MPPED2: variants seen among roughly 807,000 people sequenced by gnomAD.
MPPED2 encodes metallophosphoesterase domain containing 2.
A neutral mutation model predicts 33.0 loss-of-function variants in MPPED2; 5 were observed. That is an observed-to-expected ratio of 0.15 (90% CI 0.08 to 0.32). The LOEUF (loss-of-function observed/expected upper bound fraction) is 0.32, where lower values mean the gene tolerates loss of function less well. MPPED2 is among the 10% of genes least tolerant of loss of function. The pLI is 1.00. For missense variants in MPPED2, 275 were observed against 372.1 expected, an observed-to-expected ratio of 0.74 and a Z score of 2.15; for synonymous variants, 136 against 141.9, an observed-to-expected ratio of 0.96 and a Z score of 0.29.
At chr11:30,384,287 A>C (rs1008108782), downstream of MPPED2, among the ~76,000 whole-genome samples, 2 of 152,202 alleles carry the variant, frequency 1.3e-5, no homozygotes, top group African/African-American at 4.8e-5. Flanking sequence ...TCAATAACCA[A>C]GTTTGTTAGC....
intron 4 of MPPED2, among the ~76,000 whole-genome samples, chr11:30,446,609 T>C (rs949152595): frequency 6.6e-6 from 1 of 152,188 alleles, no homozygotes. Flanking sequence ...TAGGCAGGAT[T>C]TTAAATATCT....
intron 4 of MPPED2, chr11:30,429,371 T>TA (rs552411250): frequency 9.0e-4 from 137 of 152,304 alleles, no homozygotes; most frequent in African/African-American, 3.0e-3. Flanking sequence ...AGATGTAAGT[T>TA]AAAGTGTTAG....
intron 2 of MPPED2, among the ~76,000 whole-genome samples, chr11:30,549,537 G>C (rs1955598806): frequency 1.3e-5 from 2 of 152,178 alleles, no homozygotes; most frequent in Admixed American, 1.3e-4. Flanking sequence ...CTACTGTAGA[G>C]ACTTGCAGGT....
chr11:30,498,937 A>G (rs1376257987), intron 3 of MPPED2, among the ~76,000 whole-genome samples: 1 of 152,182 alleles, frequency 6.6e-6, no homozygotes, highest in African/African-American at 2.4e-5. Context: ...GAGACCATAA[A>G]AGAGGCAGTT....
intron 1 of MPPED2, among the ~76,000 whole-genome samples, chr11:30,585,657 CGGA>C (rs1957429952): frequency 6.6e-6 from 1 of 152,062 alleles, no homozygotes; most frequent in Non-Finnish European, 1.5e-5. Flanking sequence ...GAAATCCTGG[CGGA>C]GGAGGGAGCG....
intron 3 of MPPED2, among the ~76,000 whole-genome samples, chr11:30,515,801 A>G (rs1485868134): frequency 6.6e-6 from 1 of 152,216 alleles, no homozygotes; most frequent in Non-Finnish European, 1.5e-5. Context: ...CTTGAAACAG[A>G]CATAGAATAG....
At chr11:30,497,233 C>G (rs1384664008) in intron 3 of MPPED2, among the ~76,000 whole-genome samples, 2 of 152,132 alleles carry the variant, frequency 1.3e-5, no homozygotes, top group Non-Finnish European at 2.9e-5. Context: ...GTATCTTGCA[C>G]AATTCCAGAA....
chr11:30,465,581 C>T (rs1950674401), intron 4 of MPPED2, among the ~76,000 whole-genome samples: 1 of 152,216 alleles, frequency 6.6e-6, no homozygotes, highest in Non-Finnish European at 1.5e-5. Context: ...CAGGTGTGAG[C>T]CACCATGCCC....
At chr11:30,498,791 A>C (rs1384268400) in intron 3 of MPPED2, among the ~76,000 whole-genome samples, 1 of 152,188 alleles carries the variant, frequency 6.6e-6, no homozygotes, top group African/African-American at 2.4e-5. Context: ...GTAAAATAAG[A>C]GGTAATTTCA....
intron 2 of MPPED2, among the ~76,000 whole-genome samples, chr11:30,576,561 T>G (rs1033193174): frequency 6.6e-6 from 1 of 152,134 alleles, no homozygotes; most frequent in African/African-American, 2.4e-5. Flanking sequence ...TAATAAAGTT[T>G]TGTAACATTT....
At chr11:30,562,761 G>A (rs955349841) in intron 2 of MPPED2, among the ~76,000 whole-genome samples, 101 of 152,196 alleles carry the variant, frequency 6.6e-4, no homozygotes, top group African/African-American at 1.8e-3. Flanking sequence ...TAGGCCATAC[G>A]TAAAATTCTC....
chr11:30,441,399 TC>T (rs1667493541), intron 4 of MPPED2: 1 of 152,190 alleles, frequency 6.6e-6, no homozygotes, highest in African/African-American at 2.4e-5. Context: ...ACAATCAAGA[TC>T]ATCTGTTCTA....
chr11:30,386,817 T>C (rs373189676), exon 7 of MPPED2: 1 of 398,582 alleles, frequency 2.5e-6, no homozygotes, highest in African/African-American at 2.1e-5. Context: ...AGGATTATTA[T>C]ACAGGTCACA....
chr11:30,405,543 G>GTAAGGCAAAA, downstream of MPPED2, among the ~76,000 whole-genome samples: 1 of 152,046 alleles, frequency 6.6e-6, no homozygotes. Flanking sequence ...CAAGATTTTT[G>GTAAGGCAAAA]TCTTGTAAGG....
intron 3 of MPPED2, among the ~76,000 whole-genome samples, chr11:30,520,759 A>G (rs981155607): frequency 2.6e-5 from 4 of 152,156 alleles, no homozygotes; most frequent in Non-Finnish European, 5.9e-5. Flanking sequence ...AAAATAGGGG[A>G]GAATTTTATG....
chr11:30,462,588 A>G (rs1255616840), intron 4 of MPPED2, among the ~76,000 whole-genome samples: 1 of 152,210 alleles, frequency 6.6e-6, no homozygotes, highest in East Asian at 1.9e-4. Context: ...TTAAGGGGAA[A>G]AAATGCTGTT....
At chr11:30,456,172 G>C (rs1190198936) in intron 4 of MPPED2, among the ~76,000 whole-genome samples, 1 of 152,188 alleles carries the variant, frequency 6.6e-6, no homozygotes, top group Non-Finnish European at 1.5e-5. Context: ...CAAAAATAAG[G>C]AATGAATGAA....
intron 2 of MPPED2, among the ~76,000 whole-genome samples, chr11:30,570,037 C>A (rs1334657980): frequency 2.0e-5 from 3 of 152,136 alleles, no homozygotes; most frequent in Non-Finnish European, 4.4e-5. Flanking sequence ...TCCTCTTGTT[C>A]CCTCTATAAA....
At chr11:30,444,444 C>T (rs1949712824) in intron 4 of MPPED2, among the ~76,000 whole-genome samples, 1 of 145,420 alleles carries the variant, frequency 6.9e-6, no homozygotes, top group African/African-American at 2.7e-5. Context: ...CACAGAACAT[C>T]ATTCTATTTT....
Sources: allele counts gnomAD v4.1 joint callset (sites outside exome capture counted in the v4.1 genomes callset), GRCh38; gene constraint gnomAD v4.1.1; transcripts MANE v1.5; gene names NCBI Gene and HGNC (gene_info 2026-07-23, HGNC 2026-07-21).